SPNS3: variants seen among roughly 807,000 people sequenced by gnomAD.
SPNS3 encodes SPNS lysolipid transporter 3, sphingosine-1-phosphate (putative), also known as protein spinster homolog 3.
Under a neutral mutation model 54.4 loss-of-function variants are expected in SPNS3, and 51 were observed. That is an observed-to-expected ratio of 0.94 (90% CI 0.75 to 1.18). The LOEUF (loss-of-function observed/expected upper bound fraction) is 1.18, where lower values mean the gene tolerates loss of function less well. Ranked by LOEUF, SPNS3 falls within the 50% of genes most tolerant of loss-of-function variation. The pLI is 0.00. For missense variants in SPNS3, 669 were observed against 677.4 expected, an observed-to-expected ratio of 0.99 and a Z score of 0.14; for synonymous variants, 309 against 294.7, an observed-to-expected ratio of 1.05 and a Z score of -0.50.
At chr17:4,464,685 T>A (rs1168084646) in intron 8 of SPNS3, among the ~76,000 whole-genome samples, 1 of 152,154 alleles carries the variant, frequency 6.6e-6, no homozygotes, top group Non-Finnish European at 1.5e-5. Context: ...TCTTTTTTAT[T>A]TTTTTATTTT....
intron 6 of SPNS3, among the ~76,000 whole-genome samples, chr17:4,449,029 G>C (rs1026819499): frequency 1.3e-5 from 2 of 152,136 alleles, no homozygotes; most frequent in Non-Finnish European, 2.9e-5. Context: ...CTGGAGGCTG[G>C]AGCTTGGGGT....
In SPNS3 at chr17:4,446,179, C is replaced by T. The variant is rs752750562; in HGVS notation, c.534C>T (p.Tyr178=). 3 of 1,611,642 alleles carry T rather than the reference C, an allele frequency of 1.9e-6. No homozygotes were observed. Among genetic ancestry groups the T allele is most frequent in the Non-Finnish European group, 2.5e-6 (3 of 1,178,202 alleles). The part of the protein sequence containing the change: ...DQRTRVLAVF[Y]IFIPVGSGLG... Reference sequence around the variant, plus strand: ...GCACCCGCGTGCTGGCTGTCTTCTACATCTTTATCCCCGTTGGAAGGTTGG... The same window carrying T: ...GCACCCGCGTGCTGGCTGTCTTCTATATCTTTATCCCCGTTGGAAGGTTGG... The change falls in exon 4 of 12, where the codon TAC becomes TAT. Residue 178 remains tyrosine (Y), a synonymous_variant. Transcript: ENST00000355530.
chr17:4,454,610 C>CTTTTTTTTTTTTTTTTTTTTT (rs55918406), intron 8 of SPNS3, among the ~76,000 whole-genome samples: 1 of 76,390 alleles, frequency 1.3e-5, no homozygotes, highest in African/African-American at 5.4e-5. Context: ...CCAAATAAAG[C>CTTTTTTTTTTTTTTTTTTTTT]TTTTTTTTTT....
chr17:4,473,513 G>A (rs766397869), intron 8 of SPNS3, among the ~76,000 whole-genome samples: 2 of 151,114 alleles, frequency 1.3e-5, no homozygotes, highest in Non-Finnish European at 1.5e-5. Flanking sequence ...TTAGCCACCC[G>A]AGTAGCTGGG....
In SPNS3 at chr17:4,448,229, C is replaced by T. The variant is rs141783753; in HGVS notation, c.696C>T (p.Ala232=). The T allele has an allele frequency of 4.6e-5, 74 of 1,602,552 alleles. No homozygotes were observed. Among genetic ancestry groups the T allele is most frequent in the African/African-American group, 6.7e-5 (5 of 74,560 alleles). The part of the protein sequence containing the change: ...LLVPDPPRGA[A]ETQGEGAVGG... ...TTCCAGACCCACCCCGGGGAGCTGC[C>T]GAGACACAGGGGGAGGGGGCCGTGG... The change falls in exon 6 of 12, where the codon GCC becomes GCT. Residue 232 remains alanine, a synonymous_variant. Coordinates refer to ENST00000355530, the MANE Select transcript of SPNS3 (RefSeq NM_182538.5).
In SPNS3 at chr17:4,478,586, T is replaced by G; in HGVS notation, c.1128T>G (p.Leu376=). Residue 376 remains leucine (L), a synonymous_variant, in exon 9 of 12, where the codon CTT becomes CTG. Transcript: ENST00000355530. ...TCTGTCCACAGGTGTTCCTGGGCCT[T>G]GGGGAGCTGCTTCTGTCCTGCAACT... The part of the protein sequence containing the change: ...TLLASYVFLG[L]GELLLSCNWA... 6.3e-7 allele frequency: 1 copy of G among 1,581,324 alleles called. No individual in the cohort carries two copies. Among genetic ancestry groups the G allele is most frequent in the South Asian group, 1.2e-5 (1 of 86,258 alleles).
rs145620750 is a variant in SPNS3, at chr17:4,486,242, C to G, written c.1194C>G (p.Pro398=). The change falls in exon 10 of 12, where the codon CCC becomes CCG. Residue 398 remains proline (P), a synonymous_variant. Transcript: ENST00000355530. This position sits in a 1 kb window ranked among gnomAD's most constrained non-coding sequence, Gnocchi z 5.5. ...ATGTTTTGCAGTCTGTGGTGGTGCC[C>G]AGATGCCGGGGGACGGCAGAGGCAC... is the stretch of plus-strand genomic sequence containing the variant. ...VADILLSVVV[P]RCRGTAEALQ... 2 of 1,564,640 alleles carry G rather than the reference C, an allele frequency of 1.3e-6. No individual in the cohort carries two copies. Among genetic ancestry groups the G allele is most frequent in the Non-Finnish European group, 1.7e-6 (2 of 1,159,238 alleles).
intron 3 of SPNS3, 113 bp from the exon 4 acceptor site, chr17:4,445,935 T>C: frequency 7.8e-7 from 1 of 1,280,680 alleles, no homozygotes; most frequent in African/African-American, 1.5e-5. Context: ...CCCCTCTCCC[T>C]ACTCTGGGGT....
chr17:4,465,316 A>T (rs551748804), intron 8 of SPNS3, among the ~76,000 whole-genome samples: 5 of 152,074 alleles, frequency 3.3e-5, no homozygotes, highest in Non-Finnish European at 7.4e-5. Flanking sequence ...GCCAGGTAGA[A>T]CTGTGTTGCC....
At chr17:4,459,577 G>T (rs1971438340) in intron 8 of SPNS3, among the ~76,000 whole-genome samples, 1 of 152,130 alleles carries the variant, frequency 6.6e-6, no homozygotes, top group African/African-American at 2.4e-5. Context: ...GCTGGGCATG[G>T]TGGTGTGTGC....
chr17:4,451,883 C>T (rs1438468522), intron 7 of SPNS3, among the ~76,000 whole-genome samples: 3 of 149,436 alleles, frequency 2.0e-5, no homozygotes, highest in Non-Finnish European at 4.4e-5. Flanking sequence ...TTTGCTGTAT[C>T]GGCCAGGCTG....
At chr17:4,469,676 G>C (rs1420047627) in intron 8 of SPNS3, among the ~76,000 whole-genome samples, 2 of 148,826 alleles carry the variant, frequency 1.3e-5, no homozygotes, top group Non-Finnish European at 3.0e-5. Context: ...GTTCAGGAGA[G>C]AGGTCCAGGC....
At chr17:4,482,669 A>C (rs912320922) in intron 9 of SPNS3, 2 of 152,198 alleles carry the variant, frequency 1.3e-5, no homozygotes, top group African/African-American at 4.8e-5. Context: ...TGGGCCATAG[A>C]GGGGCCCTGC....
intron 1 of SPNS3, among the ~76,000 whole-genome samples, chr17:4,436,305 G>A (rs371918286): frequency 2.0e-5 from 3 of 152,274 alleles, no homozygotes; most frequent in African/African-American, 2.4e-5. Flanking sequence ...GAAACTCTAG[G>A]GGCTGCAGAG....
intron 8 of SPNS3, among the ~76,000 whole-genome samples, chr17:4,471,580 C>T (rs1355865000): frequency 6.6e-6 from 1 of 152,078 alleles, no homozygotes; most frequent in African/African-American, 2.4e-5. Flanking sequence ...ATCCTCCCAC[C>T]TCAGCCTCCC....
At chr17:4,457,587 A>T (rs4318272) in intron 8 of SPNS3, among the ~76,000 whole-genome samples, 4 of 152,074 alleles carry the variant, frequency 2.6e-5, no homozygotes, top group Admixed American at 2.0e-4. Flanking sequence ...GCCTGACCTC[A>T]CAGGGAGGCT....
chr17:4,458,625 C>CTTTCTTTCT lies in SPNS3; in HGVS notation c.1113+5423_1113+5431dup, dbSNP rs1168468475. On this transcript the variant is annotated intron_variant, in intron 8 of 11. Coordinates refer to ENST00000355530, the MANE Select transcript of SPNS3 (RefSeq NM_182538.5). ...TCTTTCTTTCTTTCTTTCTTTCTTT[C>CTTTCTTTCT]TTTCTTTCTTTCTTTCTTTCTTTCC... Among the ~76,000 whole-genome samples, 30 of 126,798 alleles carry CTTTCTTTCT rather than the reference C, an allele frequency of 2.4e-4. 1 individual carries two copies. Among genetic ancestry groups the CTTTCTTTCT allele is most frequent in the Non-Finnish European group, 3.3e-4 (20 of 60,204 alleles). 83.2% of individuals were successfully genotyped at this position (126,798 alleles called of 152,430 possible). A position where few individuals can be genotyped will look rare whatever the true frequency, so the allele number is the denominator to read the frequency against.
At chr17:4,449,849 C>T (rs1402547408) in intron 7 of SPNS3, among the ~76,000 whole-genome samples, 6 of 152,080 alleles carry the variant, frequency 3.9e-5, no homozygotes, top group Admixed American at 1.3e-4. Flanking sequence ...GGAAGGCTGC[C>T]GGGAGGGGAG....
At chr17:4,477,392 G>A (rs1365710823) in intron 8 of SPNS3, among the ~76,000 whole-genome samples, 1 of 152,238 alleles carries the variant, frequency 6.6e-6, no homozygotes, top group Non-Finnish European at 1.5e-5. Flanking sequence ...GTCTCTGGGT[G>A]CCTGAGCCTG....
Sources: allele counts gnomAD v4.1 joint callset (sites outside exome capture counted in the v4.1 genomes callset), GRCh38; gene constraint gnomAD v4.1.1; non-coding constraint Gnocchi (gnomAD v3.1); transcripts MANE v1.5; gene names NCBI Gene and HGNC (gene_info 2026-07-23, HGNC 2026-07-21).